Variants in COLGALT1 observed in about 807,000 individuals in gnomAD.
COLGALT1 encodes collagen beta(1-O)galactosyltransferase 1.
Under a neutral mutation model 60.8 loss-of-function variants are expected in COLGALT1, and 43 were observed. The ratio of observed to expected loss-of-function variants is 0.71; its 90% CI spans 0.55 to 0.91. COLGALT1 has a LOEUF of 0.91. Among genes scored for constraint, COLGALT1 ranks in the 40% least tolerant of loss-of-function variants. The pLI is 0.00. For synonymous variants in COLGALT1, 369 were observed against 374.2 expected (o/e 0.99, Z 0.16); for missense variants, 845 against 880.0 (o/e 0.96, Z 0.50).
At chr19:17,578,116 A>C (rs1368345537) in intron 9 of COLGALT1, 27 bp downstream of exon 9, 2 of 1,576,830 alleles carry the variant, frequency 1.3e-6, no homozygotes, top group Non-Finnish European at 1.7e-6. Flanking sequence ...GGGCGGGGCC[A>C]GAGTTATGAC....
chr19:17,574,675 A>AC (rs1370460354), intron 6 of COLGALT1, among the ~76,000 whole-genome samples: 1 of 152,070 alleles, frequency 6.6e-6, no homozygotes, highest in Non-Finnish European at 1.5e-5. Flanking sequence ...TGGAGACTGC[A>AC]CAATCACTGG....
chr19:17,558,400 G>A (rs1263551735), intron 1 of COLGALT1, among the ~76,000 whole-genome samples: 4 of 150,110 alleles, frequency 2.7e-5, no homozygotes, highest in South Asian at 2.1e-4. Context: ...AAAAATTGCC[G>A]TGTGCGGTGG....
At chr19:17,568,480 T>TA (rs761568091) in intron 4 of COLGALT1, 29 bp from the exon 5 acceptor site, 1 of 1,591,984 alleles carries the variant, frequency 6.3e-7, no homozygotes, top group East Asian at 2.2e-5. Flanking sequence ...TCAAGACCCC[T>TA]ACGCGGAACT....
At chr19:17,580,524 C>A (rs752767284) in intron 10 of COLGALT1, 175 bp from the exon 11 acceptor site, 3 of 637,686 alleles carry the variant, frequency 4.7e-6, no homozygotes, top group Admixed American at 2.8e-5. Flanking sequence ...TCTTCTCCCC[C>A]ATGACCGCCA....
intron 5 of COLGALT1, among the ~76,000 whole-genome samples, chr19:17,571,130 A>T (rs1158733713): frequency 1.3e-5 from 2 of 152,142 alleles, no homozygotes; most frequent in African/African-American, 4.8e-5. Flanking sequence ...AATTAAAATT[A>T]AAAGAGGCCG....
At chr19:17,567,668 G>A in intron 4 of COLGALT1, 128 bp downstream of exon 4, 1 of 1,094,954 alleles carries the variant, frequency 9.1e-7, no homozygotes, top group East Asian at 2.7e-5. Context: ...GCTGGGCACG[G>A]TGGCTCACAC....
At chr19:17,571,551 T>C (rs1568478293) in intron 5 of COLGALT1, among the ~76,000 whole-genome samples, 1 of 146,738 alleles carries the variant, frequency 6.8e-6, no homozygotes, top group Non-Finnish European at 1.5e-5. Flanking sequence ...CCACCTCTAC[T>C]AAAAAAAAAT....
chr19:17,565,954 C>T (rs1250819329), intron 3 of COLGALT1: 1 of 152,168 alleles, frequency 6.6e-6, no homozygotes. Flanking sequence ...GGTATTCTCA[C>T]GTTGCCAGGG....
intron 5 of COLGALT1, 102 bp downstream of exon 5, chr19:17,568,815 C>A: frequency 2.6e-6 from 3 of 1,154,930 alleles, no homozygotes; most frequent in South Asian, 1.3e-5. Flanking sequence ...AGAACCCAAA[C>A]AATGCAGCGC....
At chr19:17,576,566 TGA>T (rs749458829) in intron 6 of COLGALT1, among the ~76,000 whole-genome samples, 2 of 139,316 alleles carry the variant, frequency 1.4e-5, no homozygotes, top group Non-Finnish European at 3.1e-5. Context: ...TGGCCACGGC[TGA>T]GAGTCGGGGC....
At chr19:17,574,264 AGTCTATCTGCG>A (rs1277030499) in intron 6 of COLGALT1, among the ~76,000 whole-genome samples, 1 of 150,800 alleles carries the variant, frequency 6.6e-6, no homozygotes, top group Non-Finnish European at 1.5e-5. Flanking sequence ...TTTCTGAACG[AGTCTATCTGCG>A]GCTCCCCCTG....
In COLGALT1 at chr19:17,581,503, G is replaced by A; in HGVS notation, c.*59G>A. On this transcript the variant is annotated 3_prime_UTR_variant, in exon 12 of 12. Transcript: ENST00000252599. ...GTGGCCCAGGCTCCACGTGCTTACT[G>A]AGGACATCAGGTCCACCTCTGGACC... The A allele has an allele frequency of 6.4e-7, 1 of 1,556,522 alleles. No individual in the cohort carries two copies. The highest frequency in any genetic ancestry group is 8.6e-7 in the Non-Finnish European group (1 of 1,157,502).
At chr19:17,577,003 T>TGAGAGGCAGGACTGGGGGCGGGGTGAAG in intron 6 of COLGALT1, 192 bp from the exon 7 acceptor site, 1 of 587,596 alleles carries the variant, frequency 1.7e-6, no homozygotes, top group Non-Finnish European at 3.0e-6. Flanking sequence ...TGGCCAGGGC[T>TGAGAGGCAGGACTGGGGGCGGGGTGAAG]TTGGGCTGCT....
At chr19:17,563,974 G>T (rs1362127067) in intron 3 of COLGALT1, among the ~76,000 whole-genome samples, 1 of 151,842 alleles carries the variant, frequency 6.6e-6, no homozygotes, top group African/African-American at 2.4e-5. Flanking sequence ...TGTGTCTCAC[G>T]CCTGTAATCC....
intron 6 of COLGALT1, 114 bp downstream of exon 6, chr19:17,572,716 G>A: frequency 2.0e-6 from 3 of 1,473,146 alleles, no homozygotes; most frequent in Non-Finnish European, 2.7e-6. Flanking sequence ...AGTCCCTGTG[G>A]GGGGTGCTGG....
intron 3 of COLGALT1, among the ~76,000 whole-genome samples, chr19:17,562,249 G>C (rs1722586025): frequency 6.6e-6 from 1 of 152,210 alleles, no homozygotes; most frequent in African/African-American, 2.4e-5. Context: ...ACGATGCAGT[G>C]GTGGCTAGAG....
chr19:17,568,843 C>T, intron 5 of COLGALT1, 130 bp downstream of exon 5: 1 of 854,674 alleles, frequency 1.2e-6, no homozygotes, highest in Non-Finnish European at 1.9e-6. Flanking sequence ...ACTTCAGGTG[C>T]AGCTGTATCT....
chr19:17,581,179 C>T lies in COLGALT1; in HGVS notation c.1604C>T (p.Ser535Phe), dbSNP rs754493620. The part of the protein sequence containing the change: ...LPVMFDKHPV[S>F]EYKAHFSLRN... The stretch of plus-strand genomic sequence containing the variant: ...CACTCCCCTCCTCCTCCCCCCAGGT[C>T]CGAGTACAAGGCCCACTTCTCCCTC... Residue 535 changes from serine (S) to phenylalanine (F), a missense_variant and splice_region_variant, in exon 12 of 12, where the codon TCC (serine) becomes TTC (phenylalanine). By Grantham distance (155) the Ser-to-Phe change is radical. Transcript: ENST00000252599. 30 of 1,606,078 alleles carry T rather than the reference C, an allele frequency of 1.9e-5. No individual in the cohort carries two copies. The highest frequency in any genetic ancestry group is 2.5e-5 in the Non-Finnish European group (29 of 1,177,244).
chr19:17,577,878 G>C (rs199643302), intron 8 of COLGALT1, 79 bp from the exon 9 acceptor site: 4 of 1,539,068 alleles, frequency 2.6e-6, no homozygotes, highest in East Asian at 2.3e-5. Context: ...AACGCCGCAG[G>C]GGGTGGTGGA....
Sources: gnomAD v4.1 joint callset for allele counts (sites outside exome capture counted in the v4.1 genomes callset) on GRCh38, gnomAD v4.1.1 for gene constraint, MANE v1.5 for transcripts, NCBI Gene and HGNC (gene_info 2026-07-23, HGNC 2026-07-21) for gene names.